EYA1: variants seen among roughly 807,000 people sequenced by gnomAD.
The protein encoded by EYA1 is protein phosphatase EYA1.
EYA1 carries 16 observed loss-of-function variants against 82.0 expected under a neutral mutation model. The observed-to-expected ratio is 0.20, with a 90% CI of 0.13 to 0.30. The LOEUF (loss-of-function observed/expected upper bound fraction) is 0.30. EYA1 is among the 10% of genes least tolerant of loss of function. EYA1 has a pLI of 1.00. For missense variants in EYA1, 633 were observed against 730.7 expected (o/e 0.87, Z 1.54); for synonymous variants, 261 against 264.4 (o/e 0.99, Z 0.12).
At position 71,404,427 on chromosome 8, in the gene EYA1, T is replaced by C. The variant is rs994553947; in HGVS notation, c.34-47916A>G. 3.3e-5 allele frequency: 5 copies of C among 152,222 alleles called. No individual in the cohort carries two copies. The South Asian group carries it at 1.0e-3, about 31-fold the overall frequency. 9.4% of individuals were successfully genotyped at this position (152,222 alleles called of 1,614,324 possible). Reference sequence around the variant, plus strand: ...TGGTCACCACACTTCATAAGAGTGTTAGTCCATGAATTTTTTAGCCATATA... The same window carrying C: ...TGGTCACCACACTTCATAAGAGTGTCAGTCCATGAATTTTTTAGCCATATA... On this transcript the variant is annotated intron_variant, in intron 2 of 18. Coordinates refer to the EYA1 transcript ENST00000643681.
chr8:71,308,655 T>G (rs534074747), intron 7 of EYA1, among the ~76,000 whole-genome samples: 6 of 151,960 alleles, frequency 3.9e-5, no homozygotes, highest in Middle Eastern at 3.4e-3. Context: ...CAAAGTTCTG[T>G]GTATGATTTA....
intron 9 of EYA1, among the ~76,000 whole-genome samples, chr8:71,295,774 A>G (rs1819529266): frequency 6.6e-6 from 1 of 152,212 alleles, no homozygotes. Flanking sequence ...ACAAATGTTT[A>G]TAGAAACTTC....
At chr8:71,237,637 C>T (rs971197952) in intron 12 of EYA1, among the ~76,000 whole-genome samples, 6 of 152,166 alleles carry the variant, frequency 3.9e-5, no homozygotes, top group East Asian at 1.9e-4. Context: ...TAAACTTCTA[C>T]GATTTATATT....
At chr8:71,254,243 C>CAAAAAAAAAAAAAA (rs56047377) in intron 11 of EYA1, among the ~76,000 whole-genome samples, 5 of 51,462 alleles carry the variant, frequency 9.7e-5, no homozygotes, top group Admixed American at 3.2e-4. Context: ...AAGTCTTGGC[C>CAAAAAAAAAAAAAA]AAAAAAAAAA....
At chr8:71,479,478 C>A (rs1364672285) in intron 2 of EYA1, among the ~76,000 whole-genome samples, 1 of 152,060 alleles carries the variant, frequency 6.6e-6, no homozygotes, top group Non-Finnish European at 1.5e-5. Context: ...TGCCCACCCC[C>A]CAGGCTGTAA....
chr8:71,501,828 A>G (rs546668208), intron 2 of EYA1, among the ~76,000 whole-genome samples: 5 of 152,360 alleles, frequency 3.3e-5, no homozygotes, highest in African/African-American at 9.6e-5. Context: ...TATTTTAGCT[A>G]AAGACACACT....
intron 1 of EYA1, among the ~76,000 whole-genome samples, chr8:71,357,810 A>T (rs1236360573): frequency 6.6e-6 from 1 of 152,216 alleles, no homozygotes; most frequent in African/African-American, 2.4e-5. Flanking sequence ...TTTTTAAAAG[A>T]CGCTTGAGTA....
intron 3 of EYA1, among the ~76,000 whole-genome samples, chr8:71,337,099 C>T (rs908747173): frequency 1.3e-5 from 2 of 152,180 alleles, no homozygotes; most frequent in African/African-American, 4.8e-5. Flanking sequence ...AATACGGCAT[C>T]TCTCCAACGC....
chr8:71,487,991 C>T (rs1023270834), intron 2 of EYA1, among the ~76,000 whole-genome samples: 5 of 151,842 alleles, frequency 3.3e-5, no homozygotes, highest in African/African-American at 9.7e-5. Context: ...ATAAAAGCCA[C>T]GAATAAGAAT....
chr8:71,299,171 C>T lies in EYA1; in HGVS notation c.702G>A (p.Pro234=), dbSNP rs200489954. Residue 234 remains proline, a synonymous_variant, in exon 9 of 18, where the codon CCG becomes CCA. Transcript: ENST00000340726. ...GQYAQYYNSS[P]YPAHYMTSSN... ...TGCTGGTCATATAATGTGCTGGATA[C>T]GGTGAGCTGTTATAATACTGTGCGT... 145 of 1,614,034 alleles carry T rather than the reference C, an allele frequency of 9.0e-5. No homozygotes were observed. Among genetic ancestry groups the T allele is most frequent in the Middle Eastern group, 1.6e-4 (1 of 6,062 alleles).
intron 9 of EYA1, among the ~76,000 whole-genome samples, chr8:71,296,972 A>G (rs1819664321): frequency 6.6e-6 from 1 of 152,154 alleles, no homozygotes; most frequent in Non-Finnish European, 1.5e-5. Flanking sequence ...CAATGTGGAA[A>G]CTCAGTGAAC....
chr8:71,435,390 A>C (rs954341738), intron 2 of EYA1, among the ~76,000 whole-genome samples: 2 of 152,040 alleles, frequency 1.3e-5, no homozygotes, highest in Non-Finnish European at 2.9e-5. Context: ...TGGATAAATA[A>C]ATTGATTCAT....
At chr8:71,463,411 T>C (rs1411790217) in intron 2 of EYA1, among the ~76,000 whole-genome samples, 1 of 152,178 alleles carries the variant, frequency 6.6e-6, no homozygotes, top group East Asian at 1.9e-4. Context: ...AAACTGTAAC[T>C]AGACAACCAC....
intron 2 of EYA1, among the ~76,000 whole-genome samples, chr8:71,462,371 C>T (rs1301359516): frequency 1.3e-5 from 2 of 152,160 alleles, no homozygotes; most frequent in East Asian, 3.9e-4. Flanking sequence ...AACCCCTCTC[C>T]GAGATCGGAG....
chr8:71,543,164 A>G (rs974387161), intron 1 of EYA1, among the ~76,000 whole-genome samples: 4 of 152,026 alleles, frequency 2.6e-5, no homozygotes, highest in Admixed American at 2.0e-4. Flanking sequence ...GGGTTTTTAT[A>G]GTTTTGGGTT....
At chr8:71,479,015 A>G (rs954706146) in intron 2 of EYA1, among the ~76,000 whole-genome samples, 1 of 152,156 alleles carries the variant, frequency 6.6e-6, no homozygotes, top group Non-Finnish European at 1.5e-5. Context: ...ACAACCCTGC[A>G]ATGATGCACC....
intron 11 of EYA1, among the ~76,000 whole-genome samples, chr8:71,251,529 T>C (rs997514279): frequency 1.3e-5 from 2 of 152,220 alleles, no homozygotes; most frequent in Admixed American, 1.3e-4. Context: ...AAGGAACTTG[T>C]TGTCATCCTA....
chr8:71,213,583 T>A (rs892199633), intron 16 of EYA1, among the ~76,000 whole-genome samples: 1 of 152,240 alleles, frequency 6.6e-6, no homozygotes, highest in Non-Finnish European at 1.5e-5. Flanking sequence ...TGCTTTTTGA[T>A]ATTTTCCAAC....
chr8:71,500,823 A>G (rs1811759675), intron 2 of EYA1, among the ~76,000 whole-genome samples: 1 of 152,164 alleles, frequency 6.6e-6, no homozygotes. Context: ...TTCTACTGGT[A>G]TAAAAGGTAA....
Sources: gnomAD v4.1 joint callset for allele counts (sites outside exome capture counted in the v4.1 genomes callset) on GRCh38, gnomAD v4.1.1 for gene constraint, MANE v1.5 for transcripts, NCBI Gene and HGNC (gene_info 2026-07-23, HGNC 2026-07-21) for gene names.